The following PI16 variants were observed in gnomAD, a reference collection of about 807,000 sequenced individuals.
PI16 encodes the protein PSP94-binding protein.
In PI16, 35 loss-of-function variants were observed where a neutral mutation model predicts 38.0. The observed-to-expected ratio is 0.92, with a 90% CI of 0.70 to 1.22. The LOEUF is 1.22. Ranked by LOEUF, PI16 falls within the 50% of genes most tolerant of loss-of-function variation. The pLI, the probability that PI16 is intolerant of heterozygous loss-of-function variation, is 0.00. For missense variants in PI16, 572 were observed against 593.8 expected (o/e 0.96, Z 0.38); for synonymous variants, 275 against 252.9 (o/e 1.09, Z -0.83).
At chr6:36,958,571 T>C (rs1319990493) in intron 1 of PI16, among the ~76,000 whole-genome samples, 2 of 149,672 alleles carry the variant, frequency 1.3e-5, no homozygotes, top group Non-Finnish European at 3.0e-5. Flanking sequence ...TGACAAGGGT[T>C]GGGAGCAGTT....
At position 36,961,889 on chromosome 6, in the gene PI16, G is replaced by T. The variant is rs761884137; in HGVS notation, c.507G>T (p.Gly169=). Residue 169 remains glycine, a synonymous_variant, in exon 4 of 7, where the codon GGG becomes GGT. Coordinates refer to ENST00000373674, the MANE Select transcript of PI16 (RefSeq NM_153370.3). ...GCATCCTCCTGACCTCCTGTAGGGG[G>T]AACGTGAAGGGGAAACGGCCCTACC... ...ELLVCNYEPP[G]NVKGKRPYQE... 28 of 1,613,744 alleles carry T rather than the reference G, an allele frequency of 1.7e-5. No individual in the cohort carries two copies. The highest frequency in any genetic ancestry group is 2.4e-5 in the Non-Finnish European group (28 of 1,179,798).
Position 36,959,373 on chromosome 6 carries a change from G to A in PI16, c.393+7G>A. The A allele has an allele frequency of 6.5e-7, 1 of 1,545,506 alleles. No individual in the cohort carries two copies. The highest frequency in any genetic ancestry group is 8.7e-7 in the Non-Finnish European group (1 of 1,145,026). ...GTGCGGCCACTACACGCAGGTGTGGGCCCGGCGGGCGAGGCGGGGCGGAGC... is the reference window on the plus strand; with the variant it reads ...GTGCGGCCACTACACGCAGGTGTGGACCCGGCGGGCGAGGCGGGGCGGAGC... On this transcript the variant is annotated splice_region_variant and intron_variant, in intron 2 of 6. Transcript: ENST00000373674.
chr6:36,958,757 C>T (rs536633672), intron 1 of PI16, among the ~76,000 whole-genome samples: 53 of 152,168 alleles, frequency 3.5e-4, no homozygotes, highest in African/African-American at 1.2e-3. Flanking sequence ...TCGATCACAC[C>T]GTGATCTTGT....
chr6:36,959,409 G>C (rs895864615), intron 2 of PI16, 43 bp downstream of exon 2: 2 of 1,513,618 alleles, frequency 1.3e-6, no homozygotes, highest in Non-Finnish European at 1.8e-6. Flanking sequence ...CTCGCGGCGT[G>C]GGGGTGGGGC....
rs763026966 is a variant in PI16 at position 36,963,889 on chromosome 6, G to A, written c.1337G>A (p.Gly446Asp). 5.9e-5 allele frequency: 95 copies of A among 1,613,862 alleles called. No individual in the cohort carries two copies. Among genetic ancestry groups the A allele is most frequent in the Non-Finnish European group, 7.9e-5 (93 of 1,179,960 alleles). The change falls in exon 6 of 7, where the codon GGC becomes GAC. Residue 446 changes from glycine to aspartate, a missense_variant. Coordinates refer to ENST00000373674, the MANE Select transcript of PI16 (RefSeq NM_153370.3). ...AACTCGGGCCCTGGTCATGTGTGGG[G>A]CCCTCTCCTGGGACTACTGCTCCTG... ...GLNSGPGHVW[G>D]PLLGLLLLPP...
At chr6:36,961,311 T>C (rs1441868263) in intron 2 of PI16, 140 bp from the exon 3 acceptor site, 2 of 716,438 alleles carry the variant, frequency 2.8e-6, no homozygotes, top group Admixed American at 2.0e-5. Context: ...GTCCTGAACC[T>C]GCATGGCCTT....
upstream of PI16, among the ~76,000 whole-genome samples, chr6:36,950,832 C>T (rs1264361215): frequency 2.6e-5 from 4 of 152,106 alleles, no homozygotes; most frequent in Non-Finnish European, 5.9e-5. This position sits in a 1 kb window ranked among gnomAD's most constrained non-coding sequence, Gnocchi z 4.2. Context: ...CTTGAGCCAC[C>T]GTGCCCGGCC....
Position 36,964,159 on chromosome 6 carries a change from A to G in PI16, c.*18+197A>G, listed in dbSNP as rs547596315. 3.3e-4 allele frequency among the ~76,000 whole-genome samples: 50 copies of G among 152,294 alleles called. 1 individual carries two copies. The South Asian group carries it at 8.7e-3, about 27-fold the overall frequency. On this transcript the variant is annotated intron_variant, in intron 6 of 6. Coordinates refer to ENST00000373674, the MANE Select transcript of PI16 (RefSeq NM_153370.3). ...CAGGGCCAGCCCCTGGCACTGCCCC[A>G]GGAGTGCCTTGGCTCTGGGTAGGCC...
chr6:36,957,131 T>C (rs539429172), intron 1 of PI16, among the ~76,000 whole-genome samples: 1 of 152,310 alleles, frequency 6.6e-6, no homozygotes, highest in African/African-American at 2.4e-5. Flanking sequence ...GTGGCTCCCA[T>C]GGCTCCCTAC....
chr6:36,949,866 A>G (rs1763071612), upstream of PI16, among the ~76,000 whole-genome samples: 2 of 150,634 alleles, frequency 1.3e-5, no homozygotes, highest in Non-Finnish European at 3.0e-5. Flanking sequence ...TGCATTTGAT[A>G]CTTTCTGATT....
At chr6:36,956,549 G>A (rs374566954) in intron 1 of PI16, among the ~76,000 whole-genome samples, 71 of 152,320 alleles carry the variant, frequency 4.7e-4, no homozygotes, top group Non-Finnish European at 8.4e-4. Flanking sequence ...AAACATTCAG[G>A]ACAAGACTCA....
In PI16 at chr6:36,962,923, C is replaced by T; in HGVS notation, c.593-12C>T. The T allele has an allele frequency of 6.3e-7, 1 of 1,596,690 alleles. No individual in the cohort carries two copies. The highest frequency in any genetic ancestry group is 8.5e-7 in the Non-Finnish European group (1 of 1,169,736). On this transcript the variant is annotated splice_polypyrimidine_tract_variant and intron_variant, in intron 4 of 6. Transcript: ENST00000373674. The surrounding 1 kb of genome is among the most constrained non-coding windows in gnomAD (Gnocchi z 4.1). ...TTGCAGCACTCATGCCCGTTCTCGT[C>T]TGTCTTATCAGAACCCATCGGAAGC...
chr6:36,962,996 C>T lies in PI16; in HGVS notation c.654C>T (p.Ser218=). 1 of 1,614,222 alleles carries T rather than the reference C, an allele frequency of 6.2e-7. No homozygotes were observed. The highest frequency in any genetic ancestry group is 1.3e-5 in the African/African-American group (1 of 75,050). The part of the protein sequence containing the change: ...DLPYLVTEAP[S]FRATEASDSR... The stretch of plus-strand genomic sequence containing the variant: ...CTTACCTGGTAACTGAGGCCCCATC[C>T]TTCCGGGCGACTGAAGCATCAGACT... Residue 218 remains serine, a synonymous_variant, in exon 5 of 7, where the codon TCC becomes TCT. Transcript: ENST00000373674. This position sits in a 1 kb window ranked among gnomAD's most constrained non-coding sequence, Gnocchi z 4.1.
chr6:36,963,267 A>G lies in PI16; in HGVS notation c.925A>G (p.Lys309Glu), dbSNP rs557686093. 2 of 1,614,208 alleles carry G rather than the reference A, an allele frequency of 1.2e-6. No homozygotes were observed. Among genetic ancestry groups the G allele is most frequent in the East Asian group, 4.5e-5 (2 of 44,890 alleles). ...SLDEEPVTFP[K>E]STHVPIPKSA... Reference sequence around the variant, plus strand: ...GGATGAGGAGCCAGTTACCTTCCCCAAATCGACCCATGTTCCTATCCCAAA... The same window carrying G: ...GGATGAGGAGCCAGTTACCTTCCCCGAATCGACCCATGTTCCTATCCCAAA... Residue 309 changes from lysine (K) to glutamate (E), a missense_variant, in exon 5 of 7, where the codon AAA becomes GAA. By Grantham distance (56) the Lys-to-Glu change is moderately conservative. Coordinates refer to ENST00000373674, the MANE Select transcript of PI16 (RefSeq NM_153370.3).
chr6:36,951,730 CT>C (rs1421845744), upstream of PI16, among the ~76,000 whole-genome samples: 5 of 152,016 alleles, frequency 3.3e-5, no homozygotes, highest in Non-Finnish European at 7.4e-5. Flanking sequence ...GAAATCTTGT[CT>C]CTACTAAAAA....
chr6:36,958,733 C>T (rs1763268265), intron 1 of PI16, among the ~76,000 whole-genome samples: 1 of 152,022 alleles, frequency 6.6e-6, no homozygotes, highest in Non-Finnish European at 1.5e-5. Flanking sequence ...AATAAACAAC[C>T]CAGCCCCTCA....
At chr6:36,954,226 C>T (rs151003368), upstream of PI16, among the ~76,000 whole-genome samples, 13 of 152,358 alleles carry the variant, frequency 8.5e-5, no homozygotes, top group Non-Finnish European at 1.9e-4. Context: ...ATTATTGTCA[C>T]TGATTCACTT....
At chr6:36,949,910 A>G (rs1435256988), upstream of PI16, among the ~76,000 whole-genome samples, 1 of 149,348 alleles carries the variant, frequency 6.7e-6, no homozygotes, top group Non-Finnish European at 1.5e-5. Flanking sequence ...TTTTTTTCTC[A>G]TGGTGGCTCA....
chr6:36,954,639 C>A, upstream of PI16: 1 of 1,451,146 alleles, frequency 6.9e-7, no homozygotes, highest in Non-Finnish European at 9.2e-7. Flanking sequence ...TTGTGTGAGT[C>A]GGGCTGGGCC....
Sources: allele counts gnomAD v4.1 joint callset (sites outside exome capture counted in the v4.1 genomes callset), GRCh38; gene constraint gnomAD v4.1.1; non-coding constraint Gnocchi (gnomAD v3.1); transcripts MANE v1.5; gene names NCBI Gene and HGNC (gene_info 2026-07-23, HGNC 2026-07-21).